The following PON2 variants were observed in gnomAD, a reference collection of about 807,000 sequenced individuals.
The protein encoded by PON2 is serum paraoxonase/arylesterase 2.
A neutral mutation model predicts 36.6 loss-of-function variants in PON2; 27 were observed. The ratio of observed to expected loss-of-function variants is 0.74; its 90% CI spans 0.54 to 1.02. The LOEUF is 1.02. PON2 is among the 50% of genes least tolerant of loss of function. The pLI, the probability that PON2 is intolerant of heterozygous loss-of-function variation, is 0.00. For missense variants in PON2, 363 were observed against 421.1 expected (o/e 0.86, Z 1.21); for synonymous variants, 149 against 156.3 (o/e 0.95, Z 0.35).
chr7:95,431,634 G>C (rs1268768344), intron 1 of PON2, among the ~76,000 whole-genome samples: 1 of 151,856 alleles, frequency 6.6e-6, no homozygotes, highest in Non-Finnish European at 1.5e-5. Context: ...TGGCCAGGCT[G>C]GTCTTGAACC....
intron 2 of PON2, among the ~76,000 whole-genome samples, chr7:95,417,768 T>G (rs1789103543): frequency 6.6e-6 from 1 of 150,538 alleles, no homozygotes; most frequent in Non-Finnish European, 1.5e-5. Flanking sequence ...TCAGTCCTAT[T>G]TAGTAGAAGC....
rs1788931475 is a variant in PON2 at position 95,411,732 on chromosome 7, T to C, written c.415A>G (p.Thr139Ala). Residue 139 changes from threonine to alanine, a missense_variant, in exon 5 of 9, where the codon ACA becomes GCA. Transcript: ENST00000222572. ...FVVNHPEFKNTVEIFKFEEAE... is the reference protein window; with the variant it reads ...FVVNHPEFKNAVEIFKFEEAE... ...TCTTCAAATTTAAAAATTTCCACTG[T>C]ATTCTTGAATTCTGGGTGGTTTACA... 3 of 1,613,648 alleles carry C rather than the reference T, an allele frequency of 1.9e-6. No individual in the cohort carries two copies. The highest frequency in any genetic ancestry group is 2.5e-6 in the Non-Finnish European group (3 of 1,179,618).
chr7:95,432,142 G>C (rs1165399957), intron 1 of PON2, among the ~76,000 whole-genome samples: 1 of 152,194 alleles, frequency 6.6e-6, no homozygotes, highest in Non-Finnish European at 1.5e-5. Context: ...GAGGGTGGTG[G>C]CTCATGTGTA....
At chr7:95,430,811 A>C (rs903405929) in intron 1 of PON2, among the ~76,000 whole-genome samples, 5 of 152,094 alleles carry the variant, frequency 3.3e-5, no homozygotes, top group Non-Finnish European at 7.3e-5. Context: ...TAGATTAAAA[A>C]AATAAATAAA....
Position 95,430,382 on chromosome 7 carries a change from C to A in PON2, c.74+4496G>T, listed in dbSNP as rs565570806. 4.6e-5 allele frequency among the ~76,000 whole-genome samples: 7 copies of A among 151,522 alleles called. 1 individual carries two copies. The South Asian group carries it at 1.3e-3, about 27-fold the overall frequency. The stretch of plus-strand genomic sequence containing the variant: ...GCTGGAGTGCAATGGCTCACTGCAA[C>A]CTCCGCCTCCCGGGTTCAAGTGATT... On this transcript the variant is annotated intron_variant, in intron 1 of 8. Coordinates refer to ENST00000222572, the MANE Select transcript of PON2 (RefSeq NM_000305.3).
At chr7:95,415,468 G>T (rs533902217) in intron 3 of PON2, among the ~76,000 whole-genome samples, 35 of 152,120 alleles carry the variant, frequency 2.3e-4, no homozygotes, top group South Asian at 1.2e-3. Flanking sequence ...TGGCTATTCA[G>T]GGGAAAAAAG....
At position 95,424,525 on chromosome 7, in the gene PON2, A is replaced by G. The variant is rs770064025; in HGVS notation, c.135T>C (p.Ile45=). The G allele has an allele frequency of 6.2e-7, 1 of 1,612,374 alleles. No individual in the cohort carries two copies. Among genetic ancestry groups the G allele is most frequent in the Non-Finnish European group, 8.5e-7 (1 of 1,178,594 alleles). The change falls in exon 2 of 9, where the codon ATT becomes ATC. Residue 45 remains isoleucine (I), a synonymous_variant. Transcript: ENST00000222572. The part of the protein sequence containing the change: ...ESVDLPHCHL[I]KGIEAGSEDI... ...TTTTCATATACATACCAATTCCTTT[A>G]ATCAGGTGGCAGTGTGGAAGGTCTA...
chr7:95,420,909 A>G (rs1448607317), intron 2 of PON2, among the ~76,000 whole-genome samples: 11 of 152,242 alleles, frequency 7.2e-5, no homozygotes, highest in African/African-American at 2.7e-4. Context: ...AAAAGTTATT[A>G]TTAACCATTA....
At chr7:95,412,677 A>G (rs764538740) in intron 3 of PON2, 200 bp from the exon 4 acceptor site, 6 of 600,274 alleles carry the variant, frequency 1.0e-5, no homozygotes, top group Non-Finnish European at 1.5e-5. Flanking sequence ...AATAACTGAA[A>G]AGAAGATCAG....
chr7:95,426,595 C>A (rs1789322886), intron 1 of PON2, among the ~76,000 whole-genome samples: 1 of 152,220 alleles, frequency 6.6e-6, no homozygotes, highest in Admixed American at 6.5e-5. Context: ...GTAAAGGGAT[C>A]TGTGTTCTTG....
At chr7:95,431,100 ACTGGC>A (rs1789431974) in intron 1 of PON2, among the ~76,000 whole-genome samples, 1 of 151,794 alleles carries the variant, frequency 6.6e-6, no homozygotes, top group African/African-American at 2.4e-5. Flanking sequence ...GACACCAGGA[ACTGGC>A]CTGGGAATAT....
chr7:95,428,390 C>A (rs1186491121), intron 1 of PON2, among the ~76,000 whole-genome samples: 1 of 151,524 alleles, frequency 6.6e-6, no homozygotes, highest in East Asian at 1.9e-4. Context: ...TTCAGGGATC[C>A]ATGAACTTGG....
intron 3 of PON2, among the ~76,000 whole-genome samples, chr7:95,414,979 G>A (rs1257534486): frequency 6.6e-6 from 1 of 152,188 alleles, no homozygotes; most frequent in African/African-American, 2.4e-5. Context: ...CCTGAAGAGT[G>A]TTCTAATTCT....
chr7:95,405,948 C>A (rs1004700233), intron 8 of PON2, among the ~76,000 whole-genome samples, 171 bp downstream of exon 8: 2 of 152,152 alleles, frequency 1.3e-5, no homozygotes, highest in African/African-American at 4.8e-5. Flanking sequence ...AGTATTTGAA[C>A]AATGTAACAT....
intron 2 of PON2, among the ~76,000 whole-genome samples, chr7:95,419,145 TAC>T (rs1789136609): frequency 1.3e-5 from 2 of 152,200 alleles, no homozygotes; most frequent in Admixed American, 6.5e-5. Flanking sequence ...TTTAAAAAAT[TAC>T]AGTTTGTTTA....
Position 95,411,788 on chromosome 7 carries a change from T to G in PON2, c.368-9A>C. On this transcript the variant is annotated splice_polypyrimidine_tract_variant and intron_variant, in intron 4 of 8. Transcript: ENST00000222572. Reference sequence around the variant, plus strand: ...GAGATAAACTGTGTCATCTAAAGAATTGAAAGAACAGAGTTAATTTACAAG... The same window carrying G: ...GAGATAAACTGTGTCATCTAAAGAAGTGAAAGAACAGAGTTAATTTACAAG... The G allele has an allele frequency of 6.2e-7, 1 of 1,613,186 alleles. No individual in the cohort carries two copies. The highest frequency in any genetic ancestry group is 8.5e-7 in the Non-Finnish European group (1 of 1,179,442).
chr7:95,406,664 C>T (rs1207873228), intron 7 of PON2, among the ~76,000 whole-genome samples: 2 of 152,194 alleles, frequency 1.3e-5, no homozygotes, highest in Non-Finnish European at 2.9e-5. Context: ...TGACACTGTG[C>T]ATAAACCTTC....
At chr7:95,412,682 G>A (rs796169594) in intron 3 of PON2, 2 of 593,254 alleles carry the variant, frequency 3.4e-6, no homozygotes, top group East Asian at 2.9e-5. Flanking sequence ...CTGAAAAGAA[G>A]ATCAGGGATT....
intron 1 of PON2, among the ~76,000 whole-genome samples, chr7:95,425,246 T>C (rs946834007): frequency 6.6e-6 from 1 of 152,160 alleles, no homozygotes; most frequent in African/African-American, 2.4e-5. Flanking sequence ...ACAGTATGTA[T>C]TGGAATAGGA....
Sources: gnomAD v4.1 joint callset for allele counts (sites outside exome capture counted in the v4.1 genomes callset) on GRCh38, gnomAD v4.1.1 for gene constraint, MANE v1.5 for transcripts, NCBI Gene and HGNC (gene_info 2026-07-23, HGNC 2026-07-21) for gene names.